Variants in REXO5 observed in about 807,000 individuals in gnomAD.
The protein encoded by REXO5 is RNA exonuclease 5, also known as exonuclease NEF-sp.
A neutral mutation model predicts 88.5 loss-of-function variants in REXO5; 48 were observed. That is an observed-to-expected ratio of 0.54 (90% CI 0.43 to 0.69). The LOEUF is 0.69. REXO5 is among the 30% of genes least tolerant of loss of function. The probability of loss-of-function intolerance (pLI) is 0.00; values close to 1 mark genes in which losing one functional copy is unlikely to be tolerated. For synonymous variants in REXO5, 311 were observed against 336.5 expected, an observed-to-expected ratio of 0.92 and a Z score of 0.83; for missense variants, 749 against 912.2, an observed-to-expected ratio of 0.82 and a Z score of 2.30.
intron 6 of REXO5, among the ~76,000 whole-genome samples, chr16:20,824,154 T>A (rs371492758): frequency 6.6e-6 from 1 of 152,190 alleles, no homozygotes; most frequent in Admixed American, 6.5e-5. Flanking sequence ...TTATCTCTTT[T>A]CTCATGAGGA....
At chr16:20,839,079 C>T (rs985397145) in intron 13 of REXO5, among the ~76,000 whole-genome samples, 20 of 152,136 alleles carry the variant, frequency 1.3e-4, no homozygotes, top group African/African-American at 4.1e-4. Context: ...GTGAAGCTTC[C>T]TAGTTCTCCA....
chr16:20,806,552 G>A lies in REXO5; in HGVS notation c.-156G>A. 1 of 1,508,814 alleles carries A rather than the reference G, an allele frequency of 6.6e-7. No homozygotes were observed. The highest frequency in any genetic ancestry group is 8.9e-7 in the Non-Finnish European group (1 of 1,129,238). 93.5% of individuals were successfully genotyped at this position (1,508,814 alleles called of 1,614,324 possible). On this transcript the variant is annotated 5_prime_UTR_variant, in exon 1 of 20. Coordinates refer to ENST00000261377, the MANE Select transcript of REXO5 (RefSeq NM_030941.3). ...GTTGTTGGCAGCTGTGGCTAAGGAG[G>A]GGAGAACCTCTGCTCCCCGCCCGTC...
At chr16:20,813,392 C>G (rs1286637324) in intron 3 of REXO5, 90 bp downstream of exon 3, 1 of 767,810 alleles carries the variant, frequency 1.3e-6, no homozygotes, top group African/African-American at 1.9e-5. Context: ...TCATTCAAAC[C>G]AGAGGTTTCA....
chr16:20,848,417 C>T (rs938861689), intron 19 of REXO5, among the ~76,000 whole-genome samples: 1 of 152,106 alleles, frequency 6.6e-6, no homozygotes, highest in African/African-American at 2.4e-5. Context: ...TTGAGGTTGT[C>T]AGAATCTTTA....
chr16:20,831,921 C>T (rs1386613061), intron 11 of REXO5, among the ~76,000 whole-genome samples: 2 of 152,164 alleles, frequency 1.3e-5, no homozygotes, highest in Non-Finnish European at 2.9e-5. Context: ...ATTCATGTAA[C>T]AATGTTAGTA....
chr16:20,836,201 G>T (rs569075813), intron 13 of REXO5, among the ~76,000 whole-genome samples: 1 of 152,246 alleles, frequency 6.6e-6, no homozygotes, highest in South Asian at 2.1e-4. Flanking sequence ...TTAGGGTTCT[G>T]TCTTGGTGTT....
In REXO5 at chr16:20,849,477, G is replaced by C; in HGVS notation, c.2322G>C (p.Ser774=). ...AAAGCGCTGGCCCAGGCCTGTGTTC[G>C]TGAGTCGGCCTGCCATGTTTCCATG... ...EEESAGPGLC[S] Residue 774 remains serine (S), a synonymous_variant, in exon 20 of 20, where the codon TCG becomes TCC. Coordinates refer to ENST00000261377, the MANE Select transcript of REXO5 (RefSeq NM_030941.3). 1 of 1,613,924 alleles carries C rather than the reference G, an allele frequency of 6.2e-7. No homozygotes were observed. Among genetic ancestry groups the C allele is most frequent in the Non-Finnish European group, 8.5e-7 (1 of 1,179,824 alleles).
rs764381912 is a variant in REXO5, at chr16:20,827,434, A to T, written c.1042A>T (p.Lys348Ter). Residue 348 changes from lysine to a stop codon, truncating the protein, a stop_gained, in exon 10 of 20, where the codon AAA (lysine) becomes TAA (stop). Coordinates refer to ENST00000261377, the MANE Select transcript of REXO5 (RefSeq NM_030941.3). LOFTEE classifies it high-confidence loss of function. ...GRRFKLKFLA[K>*]VILGKDIQCP... ...AAGATTTAAGCTCAAGTTCTTAGCC[A>T]AAGTTATTTTGGGGTAGGTTTGCTT... 1.2e-6 allele frequency: 2 copies of T among 1,612,898 alleles called. No individual in the cohort carries two copies. Among genetic ancestry groups the T allele is most frequent in the Non-Finnish European group, 1.7e-6 (2 of 1,179,380 alleles).
rs773889575 is a variant in REXO5 at position 20,827,383 on chromosome 16, T to C, written c.991T>C (p.Leu331=). ...MIHPYVIDTS[L]LYVREQGRRF... is the part of the protein sequence containing the mutation. ...ACATCCATATGTTATTGATACATCGTTGCTTTATGTCAGAGAGCAGGGCAG... is the reference window on the plus strand; with the variant it reads ...ACATCCATATGTTATTGATACATCGCTGCTTTATGTCAGAGAGCAGGGCAG... The change falls in exon 10 of 20, where the codon TTG becomes CTG. Residue 331 remains leucine (L), a synonymous_variant. Coordinates refer to ENST00000261377, the MANE Select transcript of REXO5 (RefSeq NM_030941.3). The C allele has an allele frequency of 6.2e-7, 1 of 1,613,626 alleles. No homozygotes were observed. Among genetic ancestry groups the C allele is most frequent in the Non-Finnish European group, 8.5e-7 (1 of 1,179,760 alleles).
In REXO5 at chr16:20,846,247, A is replaced by G. The variant is rs1284090193; in HGVS notation, c.2151A>G (p.Ile717Met). 6.2e-7 allele frequency: 1 copy of G among 1,613,900 alleles called. No homozygotes were observed. Among genetic ancestry groups the G allele is most frequent in the South Asian group, 1.1e-5 (1 of 91,088 alleles). Reference sequence around the variant, plus strand: ...CTCTGAAACTGGACCACCCGAAGATAGCAGCCTGGCGCTGGAGCCGGAAGA... The same window carrying G: ...CTCTGAAACTGGACCACCCGAAGATGGCAGCCTGGCGCTGGAGCCGGAAGA... Reference protein sequence around the residue: ...LQTLKLDHPKIAAWRWSRKIG... With the variant: ...LQTLKLDHPKMAAWRWSRKIG... The change falls in exon 19 of 20, where the codon ATA becomes ATG. Residue 717 changes from isoleucine to methionine, a missense_variant. By Grantham distance (10) the Ile-to-Met change is conservative. Coordinates refer to ENST00000261377, the MANE Select transcript of REXO5 (RefSeq NM_030941.3).
chr16:20,816,344 C>T (rs1039776849), intron 5 of REXO5, 132 bp downstream of exon 5: 30 of 659,040 alleles, frequency 4.6e-5, no homozygotes, highest in South Asian at 2.7e-4. Flanking sequence ...TTTTTTGAAA[C>T]GGGGGTCTCA....
chr16:20,847,429 CTT>C (rs1308555049), intron 19 of REXO5, among the ~76,000 whole-genome samples: 45 of 132,346 alleles, frequency 3.4e-4, no homozygotes, highest in African/African-American at 1.2e-3. Context: ...GAGTAAGACT[CTT>C]ATCTCAAAAA....
At position 20,844,661 on chromosome 16, in the gene REXO5, T is replaced by C. The variant is rs201757937; in HGVS notation, c.1752T>C (p.Asp584=). ...GGCCTGTGACAGAGCTCACGCTTGATTGTGACACCCTCGTGAATGAGCTGG... is the reference window on the plus strand; with the variant it reads ...GGCCTGTGACAGAGCTCACGCTTGACTGTGACACCCTCGTGAATGAGCTGG... The part of the protein sequence containing the change: ...VQRPVTELTL[D]CDTLVNELEG... Residue 584 remains aspartate (D), a synonymous_variant, in exon 17 of 20, where the codon GAT becomes GAC. Transcript: ENST00000261377. 5 of 1,614,192 alleles carry C rather than the reference T, an allele frequency of 3.1e-6. No homozygotes were observed. The highest frequency in any genetic ancestry group is 2.7e-5 in the African/African-American group (2 of 75,040).
Position 20,839,800 on chromosome 16 carries a change from A to C in REXO5, c.1429A>C (p.Ile477Leu). The stretch of plus-strand genomic sequence containing the variant: ...GGAAATCCCCCTGTTTCCCTTCAGC[A>C]TTGTTCAGTTCTCTTTTAAGGCCTT... ...RVEIPLFPFS[I>L]VQFSFKAFSP... Residue 477 changes from isoleucine to leucine, a missense_variant, in exon 14 of 20, where the codon ATT (isoleucine) becomes CTT (leucine). Physicochemically the swap from Ile to Leu is conservative, Grantham distance 5. Coordinates refer to ENST00000261377, the MANE Select transcript of REXO5 (RefSeq NM_030941.3). 1 of 1,613,972 alleles carries C rather than the reference A, an allele frequency of 6.2e-7. No homozygotes were observed. The highest frequency in any genetic ancestry group is 8.5e-7 in the Non-Finnish European group (1 of 1,179,904).
chr16:20,838,307 T>G (rs934453456), intron 13 of REXO5, among the ~76,000 whole-genome samples: 1 of 152,220 alleles, frequency 6.6e-6, no homozygotes, highest in African/African-American at 2.4e-5. Context: ...TTAACTGTTT[T>G]TATGTACATA....
intron 10 of REXO5, among the ~76,000 whole-genome samples, chr16:20,827,971 A>G (rs937142744): frequency 2.0e-5 from 3 of 152,208 alleles, no homozygotes; most frequent in African/African-American, 7.2e-5. Context: ...ATATGCCTCA[A>G]TATTTATATG....
chr16:20,814,089 G>GTT (rs760255961), intron 3 of REXO5, among the ~76,000 whole-genome samples: 15 of 130,324 alleles, frequency 1.2e-4, no homozygotes, highest in South Asian at 2.5e-4. Context: ...ATCTAAAACT[G>GTT]TTTTTTTTTT....
chr16:20,845,309 A>T, intron 18 of REXO5, 68 bp downstream of exon 18: 1 of 1,403,902 alleles, frequency 7.1e-7, no homozygotes, highest in Admixed American at 2.5e-5. Flanking sequence ...TAATCCTTTA[A>T]TCTTTTTTTT....
intron 3 of REXO5, 30 bp downstream of exon 3, chr16:20,813,332 G>T: frequency 4.5e-5 from 47 of 1,051,784 alleles, no homozygotes; most frequent in Non-Finnish European, 5.7e-5. Context: ...GGTGGGTATT[G>T]ACCAGCGGTT....
Sources: gnomAD v4.1 joint callset for allele counts (sites outside exome capture counted in the v4.1 genomes callset) on GRCh38, gnomAD v4.1.1 for gene constraint, MANE v1.5 for transcripts, NCBI Gene and HGNC (gene_info 2026-07-23, HGNC 2026-07-21) for gene names.